HLCS: variants seen among roughly 807,000 people sequenced by gnomAD.
The protein encoded by HLCS is biotin--protein ligase.
HLCS carries 53 observed loss-of-function variants against 75.0 expected under a neutral mutation model. The observed-to-expected ratio is 0.71, with a 90% CI of 0.57 to 0.89. The LOEUF is 0.89. HLCS is among the 40% of genes least tolerant of loss of function. HLCS has a pLI of 0.00. For missense variants in HLCS, 966 were observed against 1,074.0 expected (o/e 0.90, Z 1.41); for synonymous variants, 431 against 428.6 (o/e 1.01, Z -0.07).
chr21:36,863,412 A>G (rs1409229010), intron 6 of HLCS, among the ~76,000 whole-genome samples: 1 of 152,120 alleles, frequency 6.6e-6, no homozygotes, highest in East Asian at 1.9e-4. Flanking sequence ...ACATTCAAAG[A>G]TCCAGTTTCA....
intron 6 of HLCS, among the ~76,000 whole-genome samples, chr21:36,833,481 A>T (rs2062287810): frequency 6.6e-6 from 1 of 151,634 alleles, no homozygotes; most frequent in Non-Finnish European, 1.5e-5. Flanking sequence ...GCTACTCGGG[A>T]AGCTGAAGCA....
intron 2 of HLCS, among the ~76,000 whole-genome samples, chr21:36,951,868 A>G (rs998864763): frequency 1.3e-5 from 2 of 152,242 alleles, no homozygotes; most frequent in Admixed American, 1.3e-4. Flanking sequence ...CATCAAGCAA[A>G]ATAAGTGAAA....
intron 1 of HLCS, among the ~76,000 whole-genome samples, chr21:36,982,260 C>T (rs548894799): frequency 6.6e-6 from 1 of 152,282 alleles, no homozygotes; most frequent in East Asian, 1.9e-4. Context: ...TGGGGATCAA[C>T]ATGGGGTTAT....
Position 36,899,794 on chromosome 21 carries a change from A to G in HLCS, c.1621-2663T>C, listed in dbSNP as rs150145360. Among the ~76,000 whole-genome samples, 475 of 152,212 alleles carry G rather than the reference A, an allele frequency of 3.1e-3. 15 individuals carry two copies. Among genetic ancestry groups the G allele is most frequent in the Admixed American group, 0.026 (393 of 15,292 alleles). On this transcript the variant is annotated intron_variant, in intron 5 of 10. Transcript: ENST00000674895. ...TTCCTGTCTTTGGAGGGTTAATGCT[A>G]TAATGTGGGAGTCAGAAAGTTAAAA... is the stretch of plus-strand genomic sequence containing the variant.
At chr21:36,861,563 G>A (rs564430841) in intron 6 of HLCS, among the ~76,000 whole-genome samples, 4 of 152,154 alleles carry the variant, frequency 2.6e-5, no homozygotes, top group African/African-American at 9.6e-5. Flanking sequence ...CCCTCCAGTA[G>A]GCCACAGGGC....
At chr21:36,978,047 G>C (rs2068991589) in intron 1 of HLCS, among the ~76,000 whole-genome samples, 1 of 152,154 alleles carries the variant, frequency 6.6e-6, no homozygotes, top group African/African-American at 2.4e-5. Flanking sequence ...CCATCTGCCT[G>C]AATTTTCCTC....
At chr21:36,961,647 A>G (rs2068295336) in intron 2 of HLCS, among the ~76,000 whole-genome samples, 2 of 152,198 alleles carry the variant, frequency 1.3e-5, no homozygotes, top group Non-Finnish European at 2.9e-5. Context: ...GCTAGGAAAG[A>G]GCACTCATAA....
chr21:36,893,569 CA>C (rs2146321787), intron 6 of HLCS, among the ~76,000 whole-genome samples: 1 of 152,282 alleles, frequency 6.6e-6, no homozygotes, highest in South Asian at 2.1e-4. Flanking sequence ...TGTCCATGGA[CA>C]GGGGGTTTCG....
intron 5 of HLCS, among the ~76,000 whole-genome samples, chr21:36,916,741 T>A (rs2065951056): frequency 6.6e-6 from 1 of 152,126 alleles, no homozygotes; most frequent in African/African-American, 2.4e-5. Context: ...CTGGTTCATA[T>A]GAAGATGGAA....
intron 10 of HLCS, 142 bp downstream of exon 10, chr21:36,756,400 A>G (rs373807983): frequency 5.8e-5 from 39 of 675,916 alleles, no homozygotes; most frequent in East Asian, 4.1e-4. Flanking sequence ...GCAGTGAGCC[A>G]AGATCGTGCC....
intron 6 of HLCS, among the ~76,000 whole-genome samples, chr21:36,856,705 C>T (rs921069035): frequency 6.6e-6 from 1 of 152,052 alleles, no homozygotes; most frequent in Admixed American, 6.6e-5. Context: ...AATGAATGTC[C>T]AAATAGCACC....
At chr21:36,786,602 T>A (rs924519442) in intron 6 of HLCS, among the ~76,000 whole-genome samples, 1 of 152,226 alleles carries the variant, frequency 6.6e-6, no homozygotes, top group Non-Finnish European at 1.5e-5. Context: ...AGAAGTTTAA[T>A]TTCCCCTCCC....
intron 6 of HLCS, among the ~76,000 whole-genome samples, chr21:36,889,759 T>C (rs1416427053): frequency 6.6e-6 from 1 of 152,198 alleles, no homozygotes; most frequent in Non-Finnish European, 1.5e-5. Context: ...TGGACCCATG[T>C]CCCTGGGACT....
At chr21:36,964,364 C>G (rs547234593) in intron 1 of HLCS, among the ~76,000 whole-genome samples, 1 of 152,302 alleles carries the variant, frequency 6.6e-6, no homozygotes, top group East Asian at 1.9e-4. Context: ...ATAACAGTAG[C>G]CAACCACAAA....
At chr21:36,882,389 T>C (rs911394556) in intron 6 of HLCS, among the ~76,000 whole-genome samples, 2 of 152,084 alleles carry the variant, frequency 1.3e-5, no homozygotes, top group Non-Finnish European at 2.9e-5. Context: ...AGCTGCTGTG[T>C]CAAAATGGCA....
chr21:36,844,726 C>T (rs1232503532), intron 6 of HLCS, among the ~76,000 whole-genome samples: 1 of 149,816 alleles, frequency 6.7e-6, no homozygotes, highest in Admixed American at 6.6e-5. Flanking sequence ...TGGATACTGT[C>T]CTGTGTAAGA....
intron 4 of HLCS, 65 bp from the exon 5 acceptor site, chr21:36,930,498 T>C: frequency 7.4e-7 from 1 of 1,348,998 alleles, no homozygotes; most frequent in African/African-American, 1.5e-5. Context: ...AAACAGTTTC[T>C]TTTTTCTTTT....
chr21:36,864,002 T>C (rs1313649345), intron 6 of HLCS, among the ~76,000 whole-genome samples: 2 of 152,226 alleles, frequency 1.3e-5, no homozygotes, highest in African/African-American at 4.8e-5. Flanking sequence ...CAATTTCTGG[T>C]TTGGGATCAA....
chr21:36,977,076 T>C (rs954016561), intron 1 of HLCS, among the ~76,000 whole-genome samples: 1 of 152,156 alleles, frequency 6.6e-6, no homozygotes, highest in African/African-American at 2.4e-5. Flanking sequence ...CCTCAAAAAC[T>C]GAGGTTCATA....
Sources: gnomAD v4.1 joint callset for allele counts (sites outside exome capture counted in the v4.1 genomes callset) on GRCh38, gnomAD v4.1.1 for gene constraint, MANE v1.5 for transcripts, NCBI Gene and HGNC (gene_info 2026-07-23, HGNC 2026-07-21) for gene names.